The following PKHD1L1 variants were observed in gnomAD, a reference collection of about 807,000 sequenced individuals.
PKHD1L1 encodes the protein fibrocystin-L.
Under a neutral mutation model 462.9 loss-of-function variants are expected in PKHD1L1, and 434 were observed. That is an observed-to-expected ratio of 0.94 (90% CI 0.87 to 1.02). The LOEUF (loss-of-function observed/expected upper bound fraction) is 1.02, where lower values mean the gene tolerates loss of function less well. Among genes scored for constraint, PKHD1L1 ranks in the 50% least tolerant of loss-of-function variants. The pLI, the probability that PKHD1L1 is intolerant of heterozygous loss-of-function variation, is 0.00. For missense variants in PKHD1L1, 5,202 were observed against 5,096.1 expected (o/e 1.02, Z -0.63); for synonymous variants, 1,781 against 1,750.0 (o/e 1.02, Z -0.44).
chr8:109,400,908 T>G (rs1228725939), intron 13 of PKHD1L1, among the ~76,000 whole-genome samples: 1 of 152,142 alleles, frequency 6.6e-6, no homozygotes, highest in African/African-American at 2.4e-5. Flanking sequence ...CAAATCAAAG[T>G]AACATTTTAT....
intron 2 of PKHD1L1, among the ~76,000 whole-genome samples, chr8:109,368,316 G>C (rs922150780): frequency 6.6e-6 from 1 of 152,112 alleles, no homozygotes; most frequent in Admixed American, 6.6e-5. Flanking sequence ...ATGGACTTTG[G>C]TTCAGTCTGA....
chr8:109,407,979 A>C, intron 17 of PKHD1L1, 70 bp from the exon 18 acceptor site: 2 of 1,018,116 alleles, frequency 2.0e-6, no homozygotes, highest in East Asian at 7.3e-5. Context: ...ATATATATAA[A>C]ATATATAGTT....
chr8:109,396,409 G>T (rs1260102742), intron 11 of PKHD1L1, among the ~76,000 whole-genome samples: 1 of 152,166 alleles, frequency 6.6e-6, no homozygotes, highest in Non-Finnish European at 1.5e-5. Flanking sequence ...TGCCATCCAT[G>T]AATTCCTCGC....
At chr8:109,461,670 A>C in intron 47 of PKHD1L1, 102 bp from the exon 48 acceptor site, 3 of 1,241,572 alleles carry the variant, frequency 2.4e-6, no homozygotes, top group Non-Finnish European at 3.3e-6. Flanking sequence ...GATGAGGTTG[A>C]GATCATATGT....
intron 27 of PKHD1L1, among the ~76,000 whole-genome samples, chr8:109,430,823 T>C (rs1290451968): frequency 6.6e-6 from 1 of 152,212 alleles, no homozygotes; most frequent in Non-Finnish European, 1.5e-5. Flanking sequence ...TCAGACTTTT[T>C]AAAATAGTGA....
intron 76 of PKHD1L1, among the ~76,000 whole-genome samples, chr8:109,526,238 G>A (rs767777437): frequency 1.7e-4 from 26 of 152,140 alleles, no homozygotes; most frequent in African/African-American, 6.0e-4. Context: ...TACAAAAATA[G>A]CATCTAACTT....
chr8:109,495,707 A>G (rs1417063235), intron 63 of PKHD1L1, among the ~76,000 whole-genome samples: 2 of 152,146 alleles, frequency 1.3e-5, no homozygotes, highest in Non-Finnish European at 2.9e-5. Flanking sequence ...AAAATCATAA[A>G]TAAAATGTAA....
chr8:109,496,795 C>A (rs1819110530), intron 63 of PKHD1L1, 124 bp from the exon 64 acceptor site: 2 of 1,015,556 alleles, frequency 2.0e-6, no homozygotes, highest in Non-Finnish European at 2.9e-6. Flanking sequence ...TCATATTAAA[C>A]CTGATATCAG....
At chr8:109,412,528 G>T (rs1813911598) in intron 20 of PKHD1L1, 114 bp downstream of exon 20, 1 of 1,125,856 alleles carries the variant, frequency 8.9e-7, no homozygotes, top group Non-Finnish European at 1.2e-6. Context: ...ATGTCATATT[G>T]TAACAGGCAC....
At chr8:109,448,941 TC>T (rs1373156488) in intron 39 of PKHD1L1, among the ~76,000 whole-genome samples, 2 of 152,146 alleles carry the variant, frequency 1.3e-5, no homozygotes, top group African/African-American at 4.8e-5. Flanking sequence ...TGTAATTATT[TC>T]TACATAAATT....
chr8:109,384,576 G>T (rs1000085388), intron 5 of PKHD1L1, among the ~76,000 whole-genome samples: 4 of 151,794 alleles, frequency 2.6e-5, no homozygotes, highest in Admixed American at 2.0e-4. Context: ...ATTTTCAATG[G>T]CTATATCTTC....
In PKHD1L1 at chr8:109,483,072, A is replaced by C. The variant is rs1266799469; in HGVS notation, c.9543A>C (p.Lys3181Asn). The change falls in exon 57 of 78, where the codon AAA becomes AAC. Residue 3181 changes from lysine to asparagine, a missense_variant. Lys to Asn is a moderately conservative substitution (Grantham distance 94). Coordinates refer to ENST00000378402, the MANE Select transcript of PKHD1L1 (RefSeq NM_177531.6). ...CAGAAACTGCATTTGCAGGTTCCAA[A>C]GTCCTGTCTCTGATGGATGCTGTGG... The part of the protein sequence containing the change: ...KLSETAFAGS[K>N]VLSLMDAVDW... The C allele has an allele frequency of 1.9e-6, 3 of 1,601,724 alleles. No homozygotes were observed. Among genetic ancestry groups the C allele is most frequent in the African/African-American group, 2.7e-5 (2 of 74,100 alleles).
chr8:109,501,370 C>A (rs1470239363), intron 67 of PKHD1L1, among the ~76,000 whole-genome samples: 1 of 152,130 alleles, frequency 6.6e-6, no homozygotes, highest in Non-Finnish European at 1.5e-5. Context: ...TATGCAGGAG[C>A]CCGTGCCATT....
Position 109,497,017 on chromosome 8 carries a change from A to T in PKHD1L1, c.10426A>T (p.Ile3476Leu), listed in dbSNP as rs756563995. The change falls in exon 64 of 78, where the codon ATA (isoleucine) becomes TTA (leucine). Residue 3476 changes from isoleucine to leucine, a missense_variant. By Grantham distance (5) the Ile-to-Leu change is conservative (BLOSUM62 2). This residue lies in a region of PKHD1L1 where 4,497 missense variants were observed against 4,336.8 expected (regional missense o/e 1.04). Coordinates refer to ENST00000378402, the MANE Select transcript of PKHD1L1 (RefSeq NM_177531.6). Reference protein sequence around the residue: ...NQDGLPGCSLIQGFTIWTCWD... With the variant: ...NQDGLPGCSLLQGFTIWTCWD... ...AGATGGCCTTCCTGGATGTTCTCTT[A>T]TACAAGGATTTACCATTTGGACATG... 2.5e-6 allele frequency: 4 copies of T among 1,613,700 alleles called. No homozygotes were observed. The highest frequency in any genetic ancestry group is 2.5e-6 in the Non-Finnish European group (3 of 1,179,630).
chr8:109,401,118 C>A (rs967179743), intron 13 of PKHD1L1, among the ~76,000 whole-genome samples: 2 of 152,132 alleles, frequency 1.3e-5, no homozygotes, highest in African/African-American at 4.8e-5. Context: ...CTTTGGCAAT[C>A]TAATTTGGAT....
At chr8:109,465,839 T>G (rs1025408121) in intron 49 of PKHD1L1, among the ~76,000 whole-genome samples, 3 of 152,160 alleles carry the variant, frequency 2.0e-5, no homozygotes, top group African/African-American at 7.2e-5. Context: ...GTAGGTTAAA[T>G]TTTTTTAGCA....
chr8:109,375,787 G>C (rs1159263839), intron 2 of PKHD1L1, among the ~76,000 whole-genome samples: 1 of 152,164 alleles, frequency 6.6e-6, no homozygotes, highest in East Asian at 1.9e-4. Flanking sequence ...GTTTGCTTAG[G>C]TATCAGCAGC....
chr8:109,498,855 G>A (rs1396757424), intron 67 of PKHD1L1, 84 bp downstream of exon 67: 4 of 1,216,966 alleles, frequency 3.3e-6, no homozygotes, highest in Non-Finnish European at 4.6e-6. Context: ...TTCATTGTTA[G>A]TAAAAATGAT....
rs1307882916 is a variant in PKHD1L1 at position 109,420,533 on chromosome 8, G to C, written c.2540G>C (p.Arg847Thr). 1 of 1,585,364 alleles carries C rather than the reference G, an allele frequency of 6.3e-7. No homozygotes were observed. The highest frequency in any genetic ancestry group is 8.5e-7 in the Non-Finnish European group (1 of 1,169,610). ...ISTLDEMPKR[R>T]LPALANKGIF... ...TATTCTTTAGAAATGCCCAAGAGAA[G>C]ACTTCCTGCATTAGCAAATAAAGGA... The change falls in exon 23 of 78, where the codon AGA becomes ACA. Residue 847 changes from arginine to threonine, a missense_variant. Coordinates refer to ENST00000378402, the MANE Select transcript of PKHD1L1 (RefSeq NM_177531.6).
Sources: allele counts gnomAD v4.1 joint callset (sites outside exome capture counted in the v4.1 genomes callset), GRCh38; gene constraint gnomAD v4.1.1; regional missense constraint gnomAD v4.1.1; transcripts MANE v1.5; gene names NCBI Gene and HGNC (gene_info 2026-07-23, HGNC 2026-07-21).